The following FHIT variants were observed in gnomAD, a reference collection of about 807,000 sequenced individuals.
The protein encoded by FHIT is bis(5'-adenosyl)-triphosphatase.
FHIT carries 19 observed loss-of-function variants against 17.9 expected under a neutral mutation model. The observed-to-expected ratio is 1.06, with a 90% CI of 0.74 to 1.56. FHIT has a LOEUF of 1.56. Ranked by LOEUF, FHIT falls within the 40% of genes most tolerant of loss-of-function variation. The pLI, the probability that FHIT is intolerant of heterozygous loss-of-function variation, is 0.00. For missense variants in FHIT, 248 were observed against 189.2 expected, an observed-to-expected ratio of 1.31 and a Z score of -1.82; for synonymous variants, 81 against 69.7, an observed-to-expected ratio of 1.16 and a Z score of -0.81.
chr3:61,103,907 T>C (rs1003058909), intron 2 of FHIT, among the ~76,000 whole-genome samples: 1 of 151,888 alleles, frequency 6.6e-6, no homozygotes, highest in African/African-American at 2.4e-5. Flanking sequence ...TTTTTTTCTT[T>C]CCATTTGTTT....
intron 4 of FHIT, among the ~76,000 whole-genome samples, chr3:60,757,714 C>A (rs1356833703): frequency 7.2e-5 from 11 of 152,146 alleles, no homozygotes; most frequent in African/African-American, 2.7e-4. Context: ...GTCTGGTATA[C>A]CACTAGAGTG....
At chr3:61,024,885 CT>C (rs917389262) in intron 3 of FHIT, among the ~76,000 whole-genome samples, 17 of 149,154 alleles carry the variant, frequency 1.1e-4, no homozygotes, top group East Asian at 3.9e-4. Context: ...CAAGTGACAG[CT>C]TTTTTTTTTC....
chr3:60,040,141 T>C (rs1209764848), intron 5 of FHIT, among the ~76,000 whole-genome samples: 1 of 137,664 alleles, frequency 7.3e-6, no homozygotes, highest in Admixed American at 7.3e-5. Flanking sequence ...CCTTCTTTCT[T>C]TTTATTTATT....
rs377535591 is a variant in FHIT at position 59,747,599 on chromosome 3, T to C, written c.*1986A>G. Among the ~76,000 whole-genome samples, 24 of 152,248 alleles carry C rather than the reference T, an allele frequency of 1.6e-4. No individual in the cohort carries two copies. The highest frequency in any genetic ancestry group is 4.1e-4 in the South Asian group (2 of 4,824). ...AGTCAAGAACATCTTTTTGGTCTTA[T>C]AGTCTTTATTCTTATATAGGGCATC... On this transcript the variant is annotated 3_prime_UTR_variant, in exon 10 of 10. Transcript: ENST00000492590.
intron 4 of FHIT, among the ~76,000 whole-genome samples, chr3:60,801,870 A>T (rs1701203635): frequency 6.6e-6 from 1 of 152,246 alleles, no homozygotes; most frequent in Non-Finnish European, 1.5e-5. Flanking sequence ...CCTGAACAAC[A>T]TTTTTAATGG....
rs2107402524 is a variant in FHIT, at chr3:60,459,235, T to A, written c.103+77625A>T. On this transcript the variant is annotated intron_variant, in intron 5 of 9. Transcript: ENST00000492590. Reference sequence around the variant, plus strand: ...CTAGTGAATTAGTATATTTTAAGGGTTGAGCCAGAAATTTATAGTTTACCA... The same window carrying A: ...CTAGTGAATTAGTATATTTTAAGGGATGAGCCAGAAATTTATAGTTTACCA... Among the ~76,000 whole-genome samples the A allele has an allele frequency of 1.3e-5, 2 of 152,262 alleles. 1 individual carries two copies. Among genetic ancestry groups the A allele is most frequent in the South Asian group, 4.1e-4 (2 of 4,822 alleles).
At chr3:60,967,442 T>C (rs1362844061) in intron 3 of FHIT, among the ~76,000 whole-genome samples, 1 of 152,228 alleles carries the variant, frequency 6.6e-6, no homozygotes, top group Admixed American at 6.5e-5. Flanking sequence ...GGTTTCAATA[T>C]TTACACTTGG....
rs3037236 is a variant in FHIT at position 60,624,903 on chromosome 3, TTTTG to T, written c.-17-87928_-17-87925del. Among the ~76,000 whole-genome samples the T allele has an allele frequency of 5.7e-4, 85 of 150,044 alleles. 1 individual carries two copies. The Middle Eastern group carries it at 0.014, about 24-fold the overall frequency. On this transcript the variant is annotated intron_variant, in intron 4 of 9. Transcript: ENST00000492590. ...TATTTGGCTTGTTTCTAGTTTTTTT[TTTTG>T]TTTGTTTGTTTGTTTGTTTTTGAGA... is the stretch of plus-strand genomic sequence containing the variant.
At position 60,794,198 on chromosome 3, in the gene FHIT, C is replaced by T. The variant is rs1217988769; in HGVS notation, c.-18+27721G>A. Among the ~76,000 whole-genome samples, 4 of 151,976 alleles carry T rather than the reference C, an allele frequency of 2.6e-5. 1 individual carries two copies. Among genetic ancestry groups the T allele is most frequent in the Non-Finnish European group, 5.9e-5 (4 of 68,004 alleles). On this transcript the variant is annotated intron_variant, in intron 4 of 9. Coordinates refer to ENST00000492590, the MANE Select transcript of FHIT (RefSeq NM_002012.4). ...CACATATACTATGTATCTATTTAAACATTCTTTTTAAAAATATGCAGATTG... is the reference window on the plus strand; with the variant it reads ...CACATATACTATGTATCTATTTAAATATTCTTTTTAAAAATATGCAGATTG...
At chr3:60,160,967 C>T (rs566342731) in intron 5 of FHIT, among the ~76,000 whole-genome samples, 1 of 151,866 alleles carries the variant, frequency 6.6e-6, no homozygotes, top group Admixed American at 6.6e-5. Context: ...AAAAAAAAGA[C>T]GATTATGCAA....
chr3:60,957,469 C>G (rs1165746168), intron 3 of FHIT, among the ~76,000 whole-genome samples: 9 of 152,100 alleles, frequency 5.9e-5, no homozygotes, highest in African/African-American at 1.9e-4. Context: ...GATCTCCTGA[C>G]CTTGTGATCC....
chr3:60,237,262 A>ATTTTTTTTTTTTT (rs201958097), intron 5 of FHIT, among the ~76,000 whole-genome samples: 4 of 124,848 alleles, frequency 3.2e-5, no homozygotes, highest in African/African-American at 6.1e-5. Context: ...TTGTTTTTCC[A>ATTTTTTTTTTTTT]TTTTTTTTTT....
intron 5 of FHIT, among the ~76,000 whole-genome samples, chr3:60,407,192 A>G (rs1353912377): frequency 6.7e-6 from 1 of 148,696 alleles, no homozygotes; most frequent in Non-Finnish European, 1.5e-5. Flanking sequence ...ACAATCATGG[A>G]TCTGGAGCCA....
chr3:60,774,915 C>G (rs1189809455), intron 4 of FHIT, among the ~76,000 whole-genome samples: 1 of 152,154 alleles, frequency 6.6e-6, no homozygotes, highest in African/African-American at 2.4e-5. Context: ...TTGCTTATTT[C>G]TGGAATTTTC....
chr3:61,177,797 G>C (rs1434511045), intron 2 of FHIT, among the ~76,000 whole-genome samples: 1 of 152,150 alleles, frequency 6.6e-6, no homozygotes, highest in Non-Finnish European at 1.5e-5. Flanking sequence ...AGCCCCACTG[G>C]ACTCTGAAGC....
rs144977279 is a variant in FHIT at position 59,895,605 on chromosome 3, G to A, written c.348+26741C>T. On this transcript the variant is annotated intron_variant, in intron 8 of 9. Coordinates refer to ENST00000492590, the MANE Select transcript of FHIT (RefSeq NM_002012.4). The stretch of plus-strand genomic sequence containing the variant: ...TGCCACATCCAGAACCTAACAATAA[G>A]TTACGTCAACTTGACCAGCACCAAC... Among the ~76,000 whole-genome samples, 60 of 152,224 alleles carry A rather than the reference G, an allele frequency of 3.9e-4. 1 individual carries two copies. The highest frequency in any genetic ancestry group is 2.1e-3 in the South Asian group (10 of 4,814).
chr3:60,162,213 G>A (rs903683933), intron 5 of FHIT, among the ~76,000 whole-genome samples: 2 of 152,052 alleles, frequency 1.3e-5, no homozygotes, highest in African/African-American at 4.8e-5. Flanking sequence ...TCCAATAAAG[G>A]AGAGACCATT....
At chr3:60,534,520 G>C (rs1482709919) in intron 5 of FHIT, among the ~76,000 whole-genome samples, 1 of 145,034 alleles carries the variant, frequency 6.9e-6, no homozygotes, top group Non-Finnish European at 1.5e-5. Context: ...AAAATAAAAA[G>C]TTACAAAATC....
chr3:61,210,092 G>C (rs1487407004), intron 1 of FHIT, among the ~76,000 whole-genome samples: 1 of 152,236 alleles, frequency 6.6e-6, no homozygotes, highest in Non-Finnish European at 1.5e-5. Flanking sequence ...GACTCTGTGT[G>C]CCTGGGTATC....
Sources: gnomAD v4.1 joint callset for allele counts (sites outside exome capture counted in the v4.1 genomes callset) on GRCh38, gnomAD v4.1.1 for gene constraint, MANE v1.5 for transcripts, NCBI Gene and HGNC (gene_info 2026-07-23, HGNC 2026-07-21) for gene names.